TRIO: variants seen among roughly 807,000 people sequenced by gnomAD.
TRIO encodes the protein triple functional domain protein.
Under a neutral mutation model 351.9 loss-of-function variants are expected in TRIO, and 58 were observed. The ratio of observed to expected loss-of-function variants is 0.16; its 90% confidence interval spans 0.13 to 0.21. The LOEUF is 0.21. Ranked by LOEUF, TRIO falls within the 10% of genes least tolerant of loss-of-function variation. The probability of loss-of-function intolerance (pLI) is 1.00; values close to 1 mark genes in which losing one functional copy is unlikely to be tolerated. For synonymous variants in TRIO, 1,758 were observed against 1,595.7 expected (o/e 1.10, Z -2.42); for missense variants, 3,201 against 4,027.8 (o/e 0.79, Z 5.56).
chr5:14,452,951 C>T (rs1157399894), intron 34 of TRIO, among the ~76,000 whole-genome samples: 1 of 152,010 alleles, frequency 6.6e-6, no homozygotes, highest in Non-Finnish European at 1.5e-5. Flanking sequence ...ACAGACTGGG[C>T]CTAGAAAACA....
intron 32 of TRIO, 200 bp downstream of exon 32, chr5:14,406,190 G>C (rs2014176): frequency 1.3e-6 from 1 of 789,430 alleles, no homozygotes; most frequent in Non-Finnish European, 1.9e-6. Flanking sequence ...TAGAGTAAAC[G>C]AAGGGCTGTG....
At position 14,459,171 on chromosome 5, in the gene TRIO, C is replaced by T. The variant is rs954582526; in HGVS notation, c.5204-1848C>T. Among the ~76,000 whole-genome samples, 63 of 152,274 alleles carry T rather than the reference C, an allele frequency of 4.1e-4. 2 individuals are homozygous for T. Among genetic ancestry groups the T allele is most frequent in the South Asian group, 2.1e-4 (1 of 4,824 alleles). The stretch of plus-strand genomic sequence containing the variant: ...TCTGTGTCTTGGGCGAAGGAAGGAA[C>T]GGGACAGCAGTGAGACGGGCGTGTG... On this transcript the variant is annotated intron_variant, in intron 34 of 56. Transcript: ENST00000344204.
intron 17 of TRIO, among the ~76,000 whole-genome samples, chr5:14,369,156 C>T (rs771076691): frequency 4.6e-5 from 7 of 152,162 alleles, no homozygotes; most frequent in Non-Finnish European, 1.0e-4. Context: ...TAGAGAGAGA[C>T]AGGATATTTG....
intron 1 of TRIO, among the ~76,000 whole-genome samples, chr5:14,261,225 C>G (rs567477326): frequency 6.6e-6 from 1 of 152,328 alleles, no homozygotes; most frequent in South Asian, 2.1e-4. Flanking sequence ...GTCTGGAACG[C>G]TTTGGCTTGG....
In TRIO at chr5:14,497,140, C is replaced by G; in HGVS notation, c.8019+123C>G. On this transcript the variant is annotated intron_variant, in intron 50 of 56. Transcript: ENST00000344204. This position sits in a 1 kb window ranked among gnomAD's most constrained non-coding sequence, Gnocchi z 4.4. ...TGACCTCCCTCCCACCCACCAGCCCCGTGCCCTGCGTGTCCTGTAGGGTCT... is the reference window on the plus strand; with the variant it reads ...TGACCTCCCTCCCACCCACCAGCCCGGTGCCCTGCGTGTCCTGTAGGGTCT... The G allele has an allele frequency of 7.2e-7, 1 of 1,379,430 alleles. No homozygotes were observed. 85.4% of individuals were successfully genotyped at this position (1,379,430 alleles called of 1,614,324 possible). A position where few individuals can be genotyped will look rare whatever the true frequency, so the allele number is the denominator to read the frequency against.
chr5:14,221,530 G>A (rs1205709859), intron 1 of TRIO, among the ~76,000 whole-genome samples: 3 of 152,208 alleles, frequency 2.0e-5, no homozygotes, highest in Non-Finnish European at 2.9e-5. Flanking sequence ...TTCATGGGAG[G>A]AGGTCAAAAT....
Position 14,508,184 on chromosome 5 carries a change from T to G in TRIO, c.9056T>G (p.Val3019Gly). The G allele has an allele frequency of 6.2e-7, 1 of 1,613,932 alleles. No individual in the cohort carries two copies. Among genetic ancestry groups the G allele is most frequent in the Non-Finnish European group, 8.5e-7 (1 of 1,179,988 alleles). ...TTCCCAGATGACTACTTTAAAGGAG[T>G]GAGCCAGAAGGCCAAGGAGTTCGTG... ...FSFPDDYFKG[V>G]SQKAKEFVCF... The change falls in exon 57 of 57, where the codon GTG (valine) becomes GGG (glycine). Residue 3019 changes from valine to glycine, a missense_variant. Transcript: ENST00000344204.
chr5:14,236,953 A>G (rs770527727), intron 1 of TRIO, among the ~76,000 whole-genome samples: 9 of 152,318 alleles, frequency 5.9e-5, no homozygotes, highest in Admixed American at 2.6e-4. Context: ...TCCACAGGGA[A>G]GCTTCTCAGC....
At chr5:14,233,487 G>A (rs706278) in intron 1 of TRIO, among the ~76,000 whole-genome samples, 9,220 of 151,428 alleles carry the variant, frequency 0.061, 383 homozygotes, top group Middle Eastern at 0.095. Flanking sequence ...GAGACTCTCT[G>A]TCAAAAGAAA....
At chr5:14,499,462 AG>A (rs1348525961) in intron 53 of TRIO, among the ~76,000 whole-genome samples, 15 of 152,246 alleles carry the variant, frequency 9.9e-5, no homozygotes, top group Non-Finnish European at 4.4e-5. Context: ...GTGCCTCCAG[AG>A]GACAAATAAA....
At chr5:14,492,862 G>C (rs753455187) in intron 49 of TRIO, 48 bp downstream of exon 49, 52 of 1,600,426 alleles carry the variant, frequency 3.2e-5, no homozygotes, top group Non-Finnish European at 4.4e-5. Context: ...AGAGGGAGGG[G>C]GCACAGCACC....
At chr5:14,349,574 A>G (rs988219040) in intron 11 of TRIO, among the ~76,000 whole-genome samples, 2 of 152,176 alleles carry the variant, frequency 1.3e-5, no homozygotes, top group African/African-American at 2.4e-5. Flanking sequence ...TCTTTAGTAC[A>G]TTACCAGGAA....
chr5:14,373,899 G>C (rs1037917291), intron 18 of TRIO, among the ~76,000 whole-genome samples: 1 of 152,200 alleles, frequency 6.6e-6, no homozygotes, highest in East Asian at 1.9e-4. Flanking sequence ...GTGATCCAGG[G>C]TCAGGCCAGG....
At chr5:14,315,187 T>G (rs1040796115) in intron 8 of TRIO, among the ~76,000 whole-genome samples, 1 of 152,188 alleles carries the variant, frequency 6.6e-6, no homozygotes, top group Non-Finnish European at 1.5e-5. Context: ...GTGCTCTTTT[T>G]TATTCTAAGG....
At chr5:14,358,056 G>C in intron 11 of TRIO, 122 bp from the exon 12 acceptor site, 2 of 1,256,268 alleles carry the variant, frequency 1.6e-6, no homozygotes, top group Non-Finnish European at 2.2e-6. Flanking sequence ...GGAGTGGTCT[G>C]TCACCAGTCC....
intron 1 of TRIO, among the ~76,000 whole-genome samples, chr5:14,159,939 G>A (rs1788353874): frequency 6.6e-6 from 1 of 152,198 alleles, no homozygotes; most frequent in Non-Finnish European, 1.5e-5. Context: ...TATGTTGTTA[G>A]ACTCTAAAAC....
intron 2 of TRIO, among the ~76,000 whole-genome samples, chr5:14,277,349 T>C (rs537321259): frequency 6.6e-6 from 1 of 152,220 alleles, no homozygotes; most frequent in Admixed American, 6.5e-5. Flanking sequence ...TGTTTTTGTT[T>C]TTTGCTTTTT....
intron 5 of TRIO, among the ~76,000 whole-genome samples, chr5:14,292,204 G>A (rs1388150266): frequency 6.6e-6 from 1 of 152,190 alleles, no homozygotes; most frequent in East Asian, 1.9e-4. Context: ...TTTTCAAAAG[G>A]TGATAATCCA....
Position 14,429,081 on chromosome 5 carries a change from A to G in TRIO, c.5203+9060A>G, listed in dbSNP as rs902381385. On this transcript the variant is annotated intron_variant, in intron 34 of 56. Coordinates refer to ENST00000344204, the MANE Select transcript of TRIO (RefSeq NM_007118.4). ...GCATTTGCAGAAGCTGTGAAAAATT[A>G]CAGAGAGATGATGTGTTGGGTAAGA... Among the ~76,000 whole-genome samples the G allele has an allele frequency of 2.0e-5, 3 of 152,214 alleles. No individual in the cohort carries two copies. The East Asian group carries it at 5.8e-4, about 29-fold the overall frequency.
Sources: allele counts gnomAD v4.1 joint callset (sites outside exome capture counted in the v4.1 genomes callset), GRCh38; gene constraint gnomAD v4.1.1; non-coding constraint Gnocchi (gnomAD v3.1); transcripts MANE v1.5; gene names NCBI Gene and HGNC (gene_info 2026-07-23, HGNC 2026-07-21).